P2RY14: variants seen among roughly 807,000 people sequenced by gnomAD.
P2RY14 encodes the protein purinergic receptor P2Y14.
A neutral mutation model predicts 0.9 loss-of-function variants in P2RY14; 2 were observed. The observed-to-expected ratio is 2.16, with a 90% CI of 0.88 to 6.79. The LOEUF is 6.79. Among genes scored for constraint, P2RY14 ranks in the 30% most tolerant of loss-of-function variants. P2RY14 has a pLI of 0.05. For missense variants in P2RY14, 378 were observed against 400.1 expected (o/e 0.94, Z 0.47); for synonymous variants, 158 against 147.2 (o/e 1.07, Z -0.53).
intron 1 of P2RY14, among the ~76,000 whole-genome samples, chr3:151,234,725 C>T (rs1732373479): frequency 6.6e-6 from 1 of 152,210 alleles, no homozygotes; most frequent in African/African-American, 2.4e-5. Flanking sequence ...CCTGTATGTT[C>T]TTAACTTGGT....
At chr3:151,244,863 G>A (rs1002947772) in intron 1 of P2RY14, among the ~76,000 whole-genome samples, 3 of 152,080 alleles carry the variant, frequency 2.0e-5, no homozygotes, top group Non-Finnish European at 4.4e-5. Context: ...AAAATTGATA[G>A]ACCGCTAGCA....
intron 1 of P2RY14, among the ~76,000 whole-genome samples, chr3:151,257,468 A>G (rs922292627): frequency 6.6e-6 from 1 of 152,260 alleles, no homozygotes; most frequent in Non-Finnish European, 1.5e-5. Flanking sequence ...GTCATGGGGC[A>G]CATTACTTAA....
intron 1 of P2RY14, among the ~76,000 whole-genome samples, chr3:151,238,644 C>T (rs1458721261): frequency 6.6e-6 from 1 of 152,120 alleles, no homozygotes. Context: ...CAAGGCAGTG[C>T]ACTCAACTGT....
intron 1 of P2RY14, among the ~76,000 whole-genome samples, chr3:151,226,597 G>C (rs6809705): frequency 0.2 from 29,833 of 151,310 alleles, 2,936 homozygotes; most frequent in African/African-American, 0.25. Flanking sequence ...GTCGCATCTT[G>C]AGAAGTCAGC....
Position 151,268,837 on chromosome 3 carries a change from A to G in P2RY14, c.-133+9450T>C, listed in dbSNP as rs1490431042. Among the ~76,000 whole-genome samples, 4 of 152,242 alleles carry G rather than the reference A, an allele frequency of 2.6e-5. 1 individual carries two copies. The highest frequency in any genetic ancestry group is 9.6e-5 in the African/African-American group (4 of 41,478). ...ACCTAAAGGTAAAACTAAGACCACA[A>G]AGCTTCTAGAGGAAAATGTAAAATA... is the stretch of plus-strand genomic sequence containing the variant. On this transcript the variant is annotated intron_variant, in intron 1 of 2. Coordinates refer to ENST00000309170, the MANE Select transcript of P2RY14 (RefSeq NM_014879.4).
chr3:151,263,361 C>A (rs531512126), intron 1 of P2RY14, among the ~76,000 whole-genome samples: 2 of 152,286 alleles, frequency 1.3e-5, no homozygotes, highest in African/African-American at 4.8e-5. Context: ...TGCATTATTA[C>A]AAACATGTGG....
chr3:151,245,869 C>A (rs1735330804), intron 1 of P2RY14, among the ~76,000 whole-genome samples: 1 of 151,426 alleles, frequency 6.6e-6, no homozygotes, highest in Non-Finnish European at 1.5e-5. Context: ...ATCTAGAAAA[C>A]CCCATCGTTT....
chr3:151,213,821 C>G lies in P2RY14; in HGVS notation c.496G>C (p.Glu166Gln). The G allele has an allele frequency of 6.2e-7, 1 of 1,614,130 alleles. No homozygotes were observed. Among genetic ancestry groups the G allele is most frequent in the Non-Finnish European group, 8.5e-7 (1 of 1,180,016 alleles). Residue 166 changes from glutamate to glutamine, a missense_variant, in exon 3 of 3, where the codon GAG (glutamate) becomes CAG (glutamine). Coordinates refer to ENST00000309170, the MANE Select transcript of P2RY14 (RefSeq NM_014879.4). ...TCTATACATTTTATTTGTGTAACCT[C>G]CCTAACACTCTGGTTGGTGAGAATA... ...NIILTNQSVR[E>Q]VTQIKCIELK...
intron 2 of P2RY14, among the ~76,000 whole-genome samples, chr3:151,218,346 G>T (rs933767771): frequency 1.2e-4 from 18 of 152,170 alleles, no homozygotes; most frequent in African/African-American, 4.3e-4. Flanking sequence ...ACTTCTGGAT[G>T]ATGATTAACT....
chr3:151,264,457 G>A (rs1739460906), intron 1 of P2RY14, among the ~76,000 whole-genome samples: 5 of 152,264 alleles, frequency 3.3e-5, no homozygotes, highest in Admixed American at 3.3e-4. Context: ...CTTATGGCCT[G>A]TCTCAGAAAT....
chr3:151,270,853 A>G (rs1372108265), intron 1 of P2RY14, among the ~76,000 whole-genome samples: 1 of 152,106 alleles, frequency 6.6e-6, no homozygotes, highest in East Asian at 1.9e-4. Flanking sequence ...AACCTGCAGG[A>G]TATTATTTAG....
intron 1 of P2RY14, among the ~76,000 whole-genome samples, chr3:151,237,350 CTTTT>C (rs57239604): frequency 1.1e-5 from 1 of 94,602 alleles, no homozygotes; most frequent in South Asian, 4.3e-4. Flanking sequence ...TTTTTTTTTT[CTTTT>C]TTTTTTTTTT....
At chr3:151,227,106 G>A (rs1453150315) in intron 1 of P2RY14, among the ~76,000 whole-genome samples, 3 of 152,206 alleles carry the variant, frequency 2.0e-5, no homozygotes, top group South Asian at 2.1e-4. Flanking sequence ...GTGACCCATC[G>A]ACTTTACCTT....
intron 1 of P2RY14, among the ~76,000 whole-genome samples, chr3:151,248,406 A>T (rs1257604147): frequency 6.6e-6 from 1 of 152,118 alleles, no homozygotes; most frequent in Non-Finnish European, 1.5e-5. Context: ...GTAGAGTTTT[A>T]GCATTTTGTG....
intron 2 of P2RY14, 71 bp from the exon 3 acceptor site, chr3:151,214,411 C>T (rs2149228050): frequency 9.4e-7 from 1 of 1,058,408 alleles, no homozygotes; most frequent in East Asian, 2.4e-5. Context: ...AGTAATAAGG[C>T]AAAGGGCAAT....
At chr3:151,236,315 A>G (rs1444994498) in intron 1 of P2RY14, among the ~76,000 whole-genome samples, 2 of 152,246 alleles carry the variant, frequency 1.3e-5, no homozygotes, top group South Asian at 4.1e-4. Context: ...TTGCCACTTC[A>G]ATGTGCATAG....
intron 1 of P2RY14, among the ~76,000 whole-genome samples, chr3:151,250,148 C>T (rs1466464149): frequency 6.6e-6 from 1 of 152,184 alleles, no homozygotes; most frequent in East Asian, 1.9e-4. Flanking sequence ...ACTCTGTAAT[C>T]TAGTCCACTC....
chr3:151,255,867 CTCAATCTGTT>C (rs1430698408), intron 1 of P2RY14, among the ~76,000 whole-genome samples: 9 of 152,190 alleles, frequency 5.9e-5, no homozygotes, highest in Admixed American at 5.2e-4. Flanking sequence ...TGTAATCTCT[CTCAATCTGTT>C]TCCCCATCTG....
At chr3:151,230,254 G>A (rs1414025716) in intron 1 of P2RY14, among the ~76,000 whole-genome samples, 1 of 152,192 alleles carries the variant, frequency 6.6e-6, no homozygotes, top group East Asian at 1.9e-4. Flanking sequence ...GATTACAGGC[G>A]TGAGCCACCG....
Sources: gnomAD v4.1 joint callset for allele counts (sites outside exome capture counted in the v4.1 genomes callset) on GRCh38, gnomAD v4.1.1 for gene constraint, MANE v1.5 for transcripts, NCBI Gene and HGNC (gene_info 2026-07-23, HGNC 2026-07-21) for gene names.